Variants in MICU3 observed in about 807,000 individuals in gnomAD.
The protein encoded by MICU3 is calcium uptake protein 3, mitochondrial.
In MICU3, 62 loss-of-function variants were observed where a neutral mutation model predicts 66.5. That is an observed-to-expected ratio of 0.93 (90% confidence interval 0.76 to 1.15). MICU3 has a LOEUF of 1.15. Ranked by LOEUF, MICU3 falls within the 50% of genes most tolerant of loss-of-function variation. MICU3 has a pLI of 0.00. For missense variants in MICU3, 779 were observed against 664.4 expected (o/e 1.17, Z -1.90); for synonymous variants, 308 against 240.7 (o/e 1.28, Z -2.59).
chr8:17,138,580 A>G, the MICU3 span, among the ~76,000 whole-genome samples: 1,310 of 152,260 alleles, frequency 8.6e-3, 22 homozygotes, highest in African/African-American at 0.03. Flanking sequence ...TTTCGGTAAT[A>G]TACGCACCAT....
chr8:17,120,640 T>A lies in MICU3; in HGVS notation c.*353T>A, dbSNP rs1803132294. On this transcript the variant is annotated 3_prime_UTR_variant, in exon 15 of 15. Transcript: ENST00000318063. ...TTATTCATTAGAAATTTTCCTCATT[T>A]CAAAATAATTTATGACTCATGGAAT... 6.6e-6 allele frequency: 1 copy of A among 152,508 alleles called. No homozygotes were observed. Among genetic ancestry groups the A allele is most frequent in the African/African-American group, 2.4e-5 (1 of 41,456 alleles). 9.4% of individuals were successfully genotyped at this position (152,508 alleles called of 1,614,324 possible).
intron 3 of MICU3, among the ~76,000 whole-genome samples, chr8:17,073,811 A>G (rs926851705): frequency 1.6e-4 from 24 of 152,320 alleles, no homozygotes; most frequent in Middle Eastern, 6.8e-3. Context: ...TAAATGTAGA[A>G]TTACAGAGTG....
intron 1 of MICU3, among the ~76,000 whole-genome samples, chr8:17,030,957 A>G (rs1450009003): frequency 1.3e-5 from 2 of 151,986 alleles, no homozygotes; most frequent in East Asian, 3.8e-4. Context: ...TCTTTTCTCT[A>G]TCTTAGCTCT....
At chr8:17,081,620 G>C (rs546581249) in intron 4 of MICU3, 73 bp from the exon 5 acceptor site, 47 of 414,322 alleles carry the variant, frequency 1.1e-4, no homozygotes, top group African/African-American at 8.6e-4. Flanking sequence ...TAAACTACAA[G>C]CTCATTATTT....
At chr8:17,037,017 A>C (rs949995977) in intron 1 of MICU3, among the ~76,000 whole-genome samples, 27 of 152,172 alleles carry the variant, frequency 1.8e-4, no homozygotes, top group Non-Finnish European at 3.5e-4. Context: ...GTGGGCTGGC[A>C]CTGCTGGGGG....
At chr8:17,070,279 T>C (rs79748016) in intron 3 of MICU3, among the ~76,000 whole-genome samples, 2,256 of 152,250 alleles carry the variant, frequency 0.015, 17 homozygotes, top group Non-Finnish European at 0.023. Flanking sequence ...TATATTCATA[T>C]AGTATACTAC....
At chr8:17,086,905 T>A in intron 6 of MICU3, 59 bp from the exon 7 acceptor site, 1 of 1,120,984 alleles carries the variant, frequency 8.9e-7, no homozygotes, top group Non-Finnish European at 1.3e-6. Context: ...TCCAGAATAG[T>A]AGATAGGTGC....
intron 1 of MICU3, among the ~76,000 whole-genome samples, chr8:17,040,393 C>T (rs1376052437): frequency 1.3e-5 from 2 of 152,136 alleles, no homozygotes; most frequent in Non-Finnish European, 2.9e-5. Context: ...CTTCCAAAAT[C>T]TTGCTTATAC....
chr8:17,030,282 C>T (rs1811795182), intron 1 of MICU3, among the ~76,000 whole-genome samples: 1 of 152,124 alleles, frequency 6.6e-6, no homozygotes, highest in South Asian at 2.1e-4. Flanking sequence ...GGAGGTTTTC[C>T]TCACATATCT....
chr8:17,128,235 C>T, the MICU3 span, among the ~76,000 whole-genome samples: 22 of 110,058 alleles, frequency 2.0e-4, no homozygotes, highest in African/African-American at 1.1e-3. Flanking sequence ...AGTGTACACA[C>T]ACACACACAC....
chr8:17,104,642 A>G (rs1489749156), intron 10 of MICU3, 151 bp downstream of exon 10: 1 of 407,166 alleles, frequency 2.5e-6, no homozygotes, highest in East Asian at 3.6e-5. Context: ...ATTTATCAGT[A>G]CCTACATACC....
At chr8:17,081,583 A>G in intron 4 of MICU3, 110 bp from the exon 5 acceptor site, 2 of 344,324 alleles carry the variant, frequency 5.8e-6, no homozygotes, top group Non-Finnish European at 1.1e-5. Context: ...AATGATTGTC[A>G]TTTAAAATAA....
intron 1 of MICU3, among the ~76,000 whole-genome samples, chr8:17,041,115 G>A (rs939933388): frequency 9.9e-5 from 15 of 152,046 alleles, no homozygotes; most frequent in African/African-American, 2.7e-4. Context: ...GAATCATCAC[G>A]TATTAAAAAT....
At position 17,027,421 on chromosome 8, in the gene MICU3, G is replaced by A; in HGVS notation, c.142G>A (p.Asp48Asn). 4 of 1,377,276 alleles carry A rather than the reference G, an allele frequency of 2.9e-6. No individual in the cohort carries two copies. The highest frequency in any genetic ancestry group is 1.9e-5 in the South Asian group (1 of 53,524). The allele number at this position is 1,377,276 out of a possible 1,614,324, so 85.3% of individuals were successfully genotyped here. ...TGGCCGGCCCTTCTCCTCCCGAGAGGATGAGGAGAGGGCTGTGGCGGAGGC... is the reference window on the plus strand; with the variant it reads ...TGGCCGGCCCTTCTCCTCCCGAGAGAATGAGGAGAGGGCTGTGGCGGAGGC... ...LPGRPFSSRE[D>N]EERAVAEAAW... The change falls in exon 1 of 15, where the codon GAT (aspartate) becomes AAT (asparagine). Residue 48 changes from aspartate to asparagine, a missense_variant. Physicochemically the swap from Asp to Asn is conservative, Grantham distance 23. Transcript: ENST00000318063.
chr8:17,108,760 A>C (rs1289792943), intron 11 of MICU3, among the ~76,000 whole-genome samples: 1 of 152,128 alleles, frequency 6.6e-6, no homozygotes, highest in African/African-American at 2.4e-5. Context: ...ATTCACGGAA[A>C]TGTTTTTGAC....
At chr8:17,027,950 A>G (rs1033419841) in intron 1 of MICU3, among the ~76,000 whole-genome samples, 1 of 152,196 alleles carries the variant, frequency 6.6e-6, no homozygotes, top group Middle Eastern at 3.2e-3. Context: ...AAAAAGATTC[A>G]GAAATGAAGG....
chr8:17,027,319 G>C lies in MICU3; in HGVS notation c.40G>C (p.Val14Leu). Residue 14 changes from valine (V) to leucine (L), a missense_variant, in exon 1 of 15, where the codon GTG (valine) becomes CTG (leucine). By Grantham distance (32) the Val-to-Leu change is conservative (BLOSUM62 1). Coordinates refer to ENST00000318063, the MANE Select transcript of MICU3 (RefSeq NM_181723.3). The stretch of plus-strand genomic sequence containing the variant: ...AAGGCTCTTGTGGCCGCCACCCCGG[G>C]TGTCTCCTCCACTCTGCGCTCACCA... ...LRRLLWPPPRVSPPLCAHQPL... is the reference protein window; with the variant it reads ...LRRLLWPPPRLSPPLCAHQPL... The C allele has an allele frequency of 1.4e-6, 2 of 1,421,418 alleles. No individual in the cohort carries two copies. Among genetic ancestry groups the C allele is most frequent in the Non-Finnish European group, 9.3e-7 (1 of 1,077,874 alleles). The allele number at this position is 1,421,418 out of a possible 1,614,324, so 88.1% of individuals were successfully genotyped here.
chr8:17,041,008 G>T (rs1166146296), intron 1 of MICU3, among the ~76,000 whole-genome samples: 1 of 152,200 alleles, frequency 6.6e-6, no homozygotes, highest in African/African-American at 2.4e-5. Flanking sequence ...TTGTACAATA[G>T]ATCAAGGTGT....
At position 17,069,701 on chromosome 8, in the gene MICU3, G is replaced by A. The variant is rs749515238; in HGVS notation, c.549G>A (p.Trp183Ter). The A allele has an allele frequency of 6.5e-7, 1 of 1,544,992 alleles. No homozygotes were observed. Among genetic ancestry groups the A allele is most frequent in the Non-Finnish European group, 8.8e-7 (1 of 1,141,066 alleles). The change falls in exon 3 of 15, where the codon TGG becomes TGA. Residue 183 changes from tryptophan (W) to a stop codon, truncating the protein, a stop_gained. Coordinates refer to ENST00000318063, the MANE Select transcript of MICU3 (RefSeq NM_181723.3). LOFTEE classifies it high-confidence loss of function. ...TTDEPKVAKTWKSLSKQELNQ... is the reference protein window; with the variant it reads ...TTDEPKVAKT ...TGTTTATTTTAGTTGCCAAAACTTG[G>A]AAGTCACTTTCCAAACAGGTGAGTT... is the stretch of plus-strand genomic sequence containing the variant.
Sources: gnomAD v4.1 joint callset for allele counts (sites outside exome capture counted in the v4.1 genomes callset) on GRCh38, gnomAD v4.1.1 for gene constraint, MANE v1.5 for transcripts, NCBI Gene and HGNC (gene_info 2026-07-23, HGNC 2026-07-21) for gene names.